LRBA: variants seen among roughly 807,000 people sequenced by gnomAD.
The protein encoded by LRBA is LPS responsive beige-like anchor protein.
Under a neutral mutation model 330.0 loss-of-function variants are expected in LRBA, and 176 were observed. That is an observed-to-expected ratio of 0.53 (90% CI 0.47 to 0.60). The LOEUF is 0.60. LRBA is among the 20% of genes least tolerant of loss of function. The pLI, the probability that LRBA is intolerant of heterozygous loss-of-function variation, is 0.00. For synonymous variants in LRBA, 1,230 were observed against 1,193.0 expected (o/e 1.03, Z -0.64); for missense variants, 3,259 against 3,444.8 (o/e 0.95, Z 1.35).
intron 37 of LRBA, among the ~76,000 whole-genome samples, chr4:150,630,525 T>A (rs1283804915): frequency 6.6e-6 from 1 of 152,178 alleles, no homozygotes; most frequent in Non-Finnish European, 1.5e-5. Flanking sequence ...TGATATGCAA[T>A]TTTCTCATAT....
In LRBA at chr4:150,282,633, G is replaced by A. The variant is rs780738868; in HGVS notation, c.8133C>T (p.Leu2711=). The change falls in exon 55 of 57, where the codon CTC becomes CTT. Residue 2711 remains leucine (L), a synonymous_variant. Transcript: ENST00000651943. The part of the protein sequence containing the change: ...VLSGSQEGPC[L]IHSMNGDLLR... ...ACAAGTCTCCATTCATGGAATGTATGAGACATGGTCCTTCTGAGAAGAGAG... is the reference window on the plus strand; with the variant it reads ...ACAAGTCTCCATTCATGGAATGTATAAGACATGGTCCTTCTGAGAAGAGAG... 1.8e-5 allele frequency: 29 copies of A among 1,607,258 alleles called. No individual in the cohort carries two copies. Among genetic ancestry groups the A allele is most frequent in the Non-Finnish European group, 2.2e-5 (26 of 1,176,066 alleles).
intron 52 of LRBA, among the ~76,000 whole-genome samples, chr4:150,304,912 C>T (rs572427987): frequency 1.3e-5 from 2 of 152,286 alleles, no homozygotes; most frequent in African/African-American, 2.4e-5. Context: ...ATCATATATA[C>T]ATCATACATC....
At chr4:150,946,487 G>C (rs569214109) in intron 2 of LRBA, among the ~76,000 whole-genome samples, 1 of 152,016 alleles carries the variant, frequency 6.6e-6, no homozygotes, top group East Asian at 1.9e-4. Flanking sequence ...AAAAATGTGC[G>C]AACACTTGGA....
chr4:150,809,876 ATACGATACG>A (rs1743396265), intron 31 of LRBA, among the ~76,000 whole-genome samples: 1 of 129,294 alleles, frequency 7.7e-6, no homozygotes, highest in African/African-American at 2.9e-5. Context: ...ATACGATACG[ATACGATACG>A]ATACGATACG....
In LRBA at chr4:150,849,452, C is replaced by T. The variant is rs1750328416; in HGVS notation, c.4128G>A (p.Leu1376=). ...CCGATGTAGCAGCTGAAAGCAATGG[C>T]AGTATACCCCCACAAGCCATGACCA... ...DNMVMACGGI[L]PLLSAATSAT... is the part of the protein sequence containing the mutation. Residue 1376 remains leucine, a synonymous_variant, in exon 25 of 57, where the codon CTG becomes CTA. Coordinates refer to ENST00000651943, the MANE Select transcript of LRBA (RefSeq NM_001364905.1). The T allele has an allele frequency of 1.2e-6, 2 of 1,613,936 alleles. No individual in the cohort carries two copies. The highest frequency in any genetic ancestry group is 1.7e-6 in the Non-Finnish European group (2 of 1,179,878).
chr4:150,468,466 C>A (rs1755713203), intron 43 of LRBA, among the ~76,000 whole-genome samples: 2 of 151,896 alleles, frequency 1.3e-5, no homozygotes. Context: ...ATTAAAAATA[C>A]AAATTACAGC....
chr4:150,269,271 G>A (rs1237577816), intron 56 of LRBA, among the ~76,000 whole-genome samples: 2 of 152,188 alleles, frequency 1.3e-5, no homozygotes, highest in Non-Finnish European at 2.9e-5. Flanking sequence ...GTTACAATGC[G>A]ACAGTAATCA....
intron 16 of LRBA, 90 bp downstream of exon 16, chr4:150,896,304 T>A: frequency 3.0e-6 from 2 of 664,722 alleles, no homozygotes; most frequent in Admixed American, 6.1e-5. Flanking sequence ...AGTTACATAA[T>A]TACTGAAGAT....
At chr4:150,869,624 G>T (rs1006588184) in intron 20 of LRBA, among the ~76,000 whole-genome samples, 20 of 152,188 alleles carry the variant, frequency 1.3e-4, no homozygotes, top group African/African-American at 4.8e-4. Flanking sequence ...GGAGGCAGAG[G>T]TTACAGTGGC....
chr4:150,773,175 C>G (rs1465547173), intron 34 of LRBA, among the ~76,000 whole-genome samples: 1 of 152,108 alleles, frequency 6.6e-6, no homozygotes, highest in Non-Finnish European at 1.5e-5. Context: ...TAAGTGGAAC[C>G]AGCATAATGT....
At chr4:150,559,284 A>G (rs1437152683) in intron 40 of LRBA, among the ~76,000 whole-genome samples, 5 of 151,826 alleles carry the variant, frequency 3.3e-5, no homozygotes, top group African/African-American at 9.7e-5. Context: ...AAATATTGGC[A>G]GGGCATGGTG....
At chr4:150,496,651 C>T (rs1295585216) in intron 40 of LRBA, among the ~76,000 whole-genome samples, 5 of 151,976 alleles carry the variant, frequency 3.3e-5, no homozygotes, top group Non-Finnish European at 7.4e-5. Context: ...ATTACTATTC[C>T]TAAGGTTTAA....
chr4:150,359,852 C>T (rs1738424831), intron 47 of LRBA, among the ~76,000 whole-genome samples: 1 of 151,762 alleles, frequency 6.6e-6, no homozygotes, highest in East Asian at 1.9e-4. Context: ...TGGTGGCGCG[C>T]ATCTGTAATC....
At position 150,277,836 on chromosome 4, in the gene LRBA, C is replaced by G. The variant is rs1400743426; in HGVS notation, c.8468+17G>C. 2 of 1,612,354 alleles carry G rather than the reference C, an allele frequency of 1.2e-6. No individual in the cohort carries two copies. Among genetic ancestry groups the G allele is most frequent in the Admixed American group, 3.3e-5 (2 of 59,948 alleles). On this transcript the variant is annotated intron_variant, in intron 56 of 56. Coordinates refer to ENST00000651943, the MANE Select transcript of LRBA (RefSeq NM_001364905.1). Reference sequence around the variant, plus strand: ...GTTTTTGAAACCCCTATTTGTAGCCCATGATTCCAGTGTTACCTCTGGTCG... The same window carrying G: ...GTTTTTGAAACCCCTATTTGTAGCCGATGATTCCAGTGTTACCTCTGGTCG...
rs2126677405 is a variant in LRBA at position 150,265,161 on chromosome 4, A to G, written c.*561T>C. 6.5e-6 allele frequency: 1 copy of G among 153,398 alleles called. No individual in the cohort carries two copies. The highest frequency in any genetic ancestry group is 1.5e-5 in the Non-Finnish European group (1 of 68,446). The allele number at this position is 153,398 out of a possible 1,614,324, so 9.5% of individuals were successfully genotyped here. A position where few individuals can be genotyped will look rare whatever the true frequency, so the allele number is the denominator to read the frequency against. Reference sequence around the variant, plus strand: ...AGCCTCCCCCAAACCATACTTTTCTAGGTCTAAAACATGCTTGAAGAACAA... The same window carrying G: ...AGCCTCCCCCAAACCATACTTTTCTGGGTCTAAAACATGCTTGAAGAACAA... On this transcript the variant is annotated 3_prime_UTR_variant, in exon 57 of 57. Transcript: ENST00000651943.
intron 2 of LRBA, among the ~76,000 whole-genome samples, chr4:150,935,376 A>T (rs1462377857): frequency 1.3e-5 from 2 of 152,082 alleles, no homozygotes; most frequent in African/African-American, 4.8e-5. Context: ...AAAATACAAG[A>T]GTTTTAAAAC....
At chr4:150,817,996 C>T (rs149025207) in intron 30 of LRBA, among the ~76,000 whole-genome samples, 3 of 152,216 alleles carry the variant, frequency 2.0e-5, no homozygotes, top group Admixed American at 2.0e-4. Flanking sequence ...TGCACTCCCA[C>T]AGCAGTGCTT....
At chr4:150,599,190 G>A in intron 37 of LRBA, 59 bp from the exon 38 acceptor site, 2 of 1,582,066 alleles carry the variant, frequency 1.3e-6, no homozygotes. Context: ...TGGTAGCACT[G>A]AATTTCTGCA....
intron 36 of LRBA, among the ~76,000 whole-genome samples, chr4:150,719,131 A>G (rs187022874): frequency 1.1e-4 from 17 of 152,240 alleles, no homozygotes; most frequent in Non-Finnish European, 2.5e-4. Context: ...CTGAAAATAT[A>G]TATACTTTTC....
Sources: gnomAD v4.1 joint callset for allele counts (sites outside exome capture counted in the v4.1 genomes callset) on GRCh38, gnomAD v4.1.1 for gene constraint, MANE v1.5 for transcripts, NCBI Gene and HGNC (gene_info 2026-07-23, HGNC 2026-07-21) for gene names.